USP6NL: variants seen among roughly 807,000 people sequenced by gnomAD.
USP6NL encodes USP6 N-terminal-like protein.
A neutral mutation model predicts 61.9 loss-of-function variants in USP6NL; 26 were observed. That is an observed-to-expected ratio of 0.42 (90% CI 0.31 to 0.58). USP6NL has a LOEUF of 0.58. USP6NL is among the 20% of genes least tolerant of loss of function. The pLI is 0.16. For missense variants in USP6NL, 1,114 were observed against 1,034.3 expected, an observed-to-expected ratio of 1.08 and a Z score of -1.06; for synonymous variants, 432 against 390.1, an observed-to-expected ratio of 1.11 and a Z score of -1.27.
At chr10:11,545,630 A>G (rs947744898) in intron 2 of USP6NL, among the ~76,000 whole-genome samples, 5 of 152,230 alleles carry the variant, frequency 3.3e-5, no homozygotes, top group African/African-American at 1.2e-4. Context: ...AAATATCTTG[A>G]AAATATAAAT....
At chr10:11,609,799 G>A (rs975243916) in intron 1 of USP6NL, among the ~76,000 whole-genome samples, 6 of 152,144 alleles carry the variant, frequency 3.9e-5, no homozygotes, top group Non-Finnish European at 7.3e-5. Flanking sequence ...TCCCTATAAC[G>A]CCAGAGGATG....
At chr10:11,471,942 T>A (rs1832769943) in intron 14 of USP6NL, among the ~76,000 whole-genome samples, 1 of 150,806 alleles carries the variant, frequency 6.6e-6, no homozygotes, top group Non-Finnish European at 1.5e-5. Flanking sequence ...AACCTGCACA[T>A]TGTGCACATG....
At chr10:11,504,265 C>A (rs1166946719) in intron 6 of USP6NL, among the ~76,000 whole-genome samples, 1 of 152,130 alleles carries the variant, frequency 6.6e-6, no homozygotes, top group Non-Finnish European at 1.5e-5. Flanking sequence ...AGAAGTTTTA[C>A]AAACTCTATA....
chr10:11,518,524 G>C lies in USP6NL; in HGVS notation c.195+11C>G, dbSNP rs748452104. 41 of 1,611,316 alleles carry C rather than the reference G, an allele frequency of 2.5e-5. No homozygotes were observed. Among genetic ancestry groups the C allele is most frequent in the Admixed American group, 2.2e-4 (13 of 59,706 alleles). On this transcript the variant is annotated intron_variant, in intron 5 of 14. Coordinates refer to ENST00000609104, the MANE Select transcript of USP6NL (RefSeq NM_014688.5). The surrounding 1 kb of genome is among the most constrained non-coding windows in gnomAD (Gnocchi z 5.3). ...ACCAGTAACTGTAAATACATCAAGA[G>C]CAGGACTTACCCGTTCCACAGCCAC...
intron 6 of USP6NL, among the ~76,000 whole-genome samples, chr10:11,506,024 C>G (rs1280268845): frequency 6.6e-6 from 1 of 152,196 alleles, no homozygotes; most frequent in South Asian, 2.1e-4. Context: ...TTCTACTTCC[C>G]TGACAGACAC....
chr10:11,603,935 C>T (rs1208841157), intron 1 of USP6NL, among the ~76,000 whole-genome samples: 4 of 152,164 alleles, frequency 2.6e-5, no homozygotes, highest in Non-Finnish European at 5.9e-5. Context: ...TTCAGCAGTA[C>T]AATGGTGGAC....
intron 2 of USP6NL, chr10:11,563,843 C>G (rs543347458): frequency 6.6e-6 from 1 of 152,178 alleles, no homozygotes; most frequent in African/African-American, 2.4e-5. Flanking sequence ...CGACTCCCAG[C>G]CCCTGAGCAT....
chr10:11,560,702 AATATATATATATTATATATAT>A (rs1429541946), intron 2 of USP6NL, among the ~76,000 whole-genome samples: 1 of 122,612 alleles, frequency 8.2e-6, no homozygotes, highest in Non-Finnish European at 1.8e-5. Flanking sequence ...AACAGTAAAA[AATATATATATATTATATATAT>A]ATATATATAT....
chr10:11,493,827 G>C (rs1173375856), intron 7 of USP6NL, among the ~76,000 whole-genome samples: 4 of 149,266 alleles, frequency 2.7e-5, no homozygotes, highest in Non-Finnish European at 6.0e-5. Flanking sequence ...CTGCCTGTAC[G>C]GCCTGATCTC....
At position 11,487,340 on chromosome 10, in the gene USP6NL, A is replaced by G. The variant is rs1833512600; in HGVS notation, c.665-1429T>C. On this transcript the variant is annotated intron_variant, in intron 10 of 14. Transcript: ENST00000609104. This position sits in a 1 kb window ranked among gnomAD's most constrained non-coding sequence, Gnocchi z 4.2. ...ATTTCATAGGCAGACATAGAAACAA[A>G]CATCTCTAAGTATAAACTGACCCTT... Among the ~76,000 whole-genome samples, 1 of 152,224 alleles carries G rather than the reference A, an allele frequency of 6.6e-6. No homozygotes were observed. Among genetic ancestry groups the G allele is most frequent in the Non-Finnish European group, 1.5e-5 (1 of 68,040 alleles).
chr10:11,570,213 AT>A (rs1276444708), intron 2 of USP6NL, among the ~76,000 whole-genome samples: 2 of 152,222 alleles, frequency 1.3e-5, no homozygotes, highest in East Asian at 3.9e-4. Context: ...GAGCTTGTCT[AT>A]TATAATGCCT....
rs1833057267 is a variant in USP6NL, at chr10:11,478,397, C to T, written c.1078+3373G>A. On this transcript the variant is annotated intron_variant, in intron 14 of 14. Transcript: ENST00000609104. The surrounding 1 kb of genome is among the most constrained non-coding windows in gnomAD (Gnocchi z 6.8). Reference sequence around the variant, plus strand: ...GAGACCAGAAATGTCTTCACAGTCACATGAAGAAAACAAACCTCAACGACT... The same window carrying T: ...GAGACCAGAAATGTCTTCACAGTCATATGAAGAAAACAAACCTCAACGACT... Among the ~76,000 whole-genome samples the T allele has an allele frequency of 6.7e-6, 1 of 150,240 alleles. No homozygotes were observed.
intron 2 of USP6NL, among the ~76,000 whole-genome samples, chr10:11,586,362 T>C (rs898872474): frequency 2.4e-5 from 3 of 122,942 alleles, no homozygotes; most frequent in African/African-American, 9.2e-5. Context: ...CCATCTTAAA[T>C]GACCAAAAAA....
rs952738900 is a variant in USP6NL, at chr10:11,537,942, G to A, written c.5-10375C>T. Reference sequence around the variant, plus strand: ...TGCAAATAAAAAGATCAACAGTGTCGATATAATTGGTAGGTTGCTTGTTTT... The same window carrying A: ...TGCAAATAAAAAGATCAACAGTGTCAATATAATTGGTAGGTTGCTTGTTTT... On this transcript the variant is annotated intron_variant, in intron 2 of 14. Coordinates refer to ENST00000609104, the MANE Select transcript of USP6NL (RefSeq NM_014688.5). This position sits in a 1 kb window ranked among gnomAD's most constrained non-coding sequence, Gnocchi z 5.1. Among the ~76,000 whole-genome samples, 4 of 152,184 alleles carry A rather than the reference G, an allele frequency of 2.6e-5. No homozygotes were observed. Among genetic ancestry groups the A allele is most frequent in the East Asian group, 1.9e-4 (1 of 5,202 alleles).
chr10:11,559,109 C>A (rs1836826391), intron 2 of USP6NL, among the ~76,000 whole-genome samples: 1 of 152,106 alleles, frequency 6.6e-6, no homozygotes, highest in South Asian at 2.1e-4. Context: ...AATAGAGCAA[C>A]AAAGGTAAGT....
At position 11,463,106 on chromosome 10, in the gene USP6NL, G is replaced by A. The variant is rs375123048; in HGVS notation, c.1822C>T (p.Gln608Ter). The A allele has an allele frequency of 6.2e-7, 1 of 1,614,028 alleles. No homozygotes were observed. Among genetic ancestry groups the A allele is most frequent in the Non-Finnish European group, 8.5e-7 (1 of 1,179,902 alleles). The change falls in exon 15 of 15, where the codon CAG becomes TAG. Residue 608 changes from glutamine (Q) to a stop codon, truncating the protein, a stop_gained. Coordinates refer to ENST00000609104, the MANE Select transcript of USP6NL (RefSeq NM_014688.5). LOFTEE classifies it low-confidence loss of function (END_TRUNC). This position sits in a 1 kb window ranked among gnomAD's most constrained non-coding sequence, Gnocchi z 6.3. ...KVSNKFTFKV[Q>*]PPSHARYPSQ... Reference sequence around the variant, plus strand: ...GGATATCGTGCATGACTTGGAGGCTGTACTTTAAAAGTAAACTTGTTGGAT... The same window carrying A: ...GGATATCGTGCATGACTTGGAGGCTATACTTTAAAAGTAAACTTGTTGGAT...
rs1170917714 is a variant in USP6NL, at chr10:11,478,204, G to C, written c.1078+3566C>G. Among the ~76,000 whole-genome samples, 1 of 152,128 alleles carries C rather than the reference G, an allele frequency of 6.6e-6. No homozygotes were observed. Among genetic ancestry groups the C allele is most frequent in the Non-Finnish European group, 1.5e-5 (1 of 68,016 alleles). ...GGCACCCCTGCTTTGACTCTGTTTG[G>C]GTCTCCTCTGCAGAGCCCCTGCTTA... On this transcript the variant is annotated intron_variant, in intron 14 of 14. Transcript: ENST00000609104. The surrounding 1 kb of genome is among the most constrained non-coding windows in gnomAD (Gnocchi z 6.8).
chr10:11,568,149 T>TTG (rs35053647), intron 2 of USP6NL, among the ~76,000 whole-genome samples: 11,824 of 149,610 alleles, frequency 0.079, 705 homozygotes, highest in African/African-American at 0.17. Context: ...CGGGAGGTAG[T>TTG]TGTGTGTGTG....
At chr10:11,504,304 AAC>A (rs1834342848) in intron 6 of USP6NL, among the ~76,000 whole-genome samples, 1 of 151,144 alleles carries the variant, frequency 6.6e-6, no homozygotes, top group African/African-American at 2.4e-5. Context: ...CTCCAAACAC[AAC>A]AGTTTGGATG....
Sources: allele counts gnomAD v4.1 joint callset (sites outside exome capture counted in the v4.1 genomes callset), GRCh38; gene constraint gnomAD v4.1.1; non-coding constraint Gnocchi (gnomAD v3.1); transcripts MANE v1.5; gene names NCBI Gene and HGNC (gene_info 2026-07-23, HGNC 2026-07-21).